PCLO: variants seen among roughly 807,000 people sequenced by gnomAD.
PCLO encodes the protein piccolo presynaptic cytomatrix protein.
Under a neutral mutation model 427.5 loss-of-function variants are expected in PCLO, and 82 were observed. The observed-to-expected ratio is 0.19, with a 90% CI of 0.16 to 0.23. The LOEUF (loss-of-function observed/expected upper bound fraction) is 0.23. PCLO is among the 10% of genes least tolerant of loss of function. The probability of loss-of-function intolerance (pLI) is 1.00; values close to 1 mark genes in which losing one functional copy is unlikely to be tolerated. For missense variants in PCLO, 6,239 were observed against 6,115.9 expected (o/e 1.02, Z -0.67); for synonymous variants, 2,357 against 2,155.4 (o/e 1.09, Z -2.59).
chr7:82,873,283 T>C (rs1457685659), intron 10 of PCLO, among the ~76,000 whole-genome samples: 1 of 150,190 alleles, frequency 6.7e-6, no homozygotes, highest in African/African-American at 2.5e-5. Flanking sequence ...ATGAGAAAGC[T>C]GAGACACTCC....
chr7:83,004,297 C>T (rs1787893646), intron 3 of PCLO, among the ~76,000 whole-genome samples: 1 of 151,642 alleles, frequency 6.6e-6, no homozygotes, highest in Non-Finnish European at 1.5e-5. Flanking sequence ...CTGGTACTGG[C>T]ACAGAAACAG....
chr7:82,802,993 T>C (rs1156652767), intron 21 of PCLO, among the ~76,000 whole-genome samples: 4 of 152,150 alleles, frequency 2.6e-5, no homozygotes. Flanking sequence ...ACCAAGTTCA[T>C]GCAAATTAAG....
intron 3 of PCLO, among the ~76,000 whole-genome samples, chr7:82,966,829 G>T (rs928417643): frequency 6.6e-6 from 1 of 152,042 alleles, no homozygotes; most frequent in Non-Finnish European, 1.5e-5. Context: ...ATTATTTTAA[G>T]GCCTGGCTTC....
rs768899713 is a variant in PCLO, at chr7:82,950,148, A to C, written c.10440T>G (p.Asp3480Glu). The change falls in exon 6 of 25, where the codon GAT becomes GAG. Residue 3480 changes from aspartate to glutamate, a missense_variant. Physicochemically the swap from Asp to Glu is conservative, Grantham distance 45. This residue lies in a region of PCLO where 4,677 missense variants were observed against 4,468.4 expected (regional missense o/e 1.05). Transcript: ENST00000333891. ...TSVQTDDEDQ[D>E]EWDMPTRSRR... ...TTGATCTAGTAGGCATATCCCACTC[A>C]TCCTGATCTTCATCATCAGTTTGGA... The C allele has an allele frequency of 6.2e-7, 1 of 1,609,792 alleles. No homozygotes were observed. The highest frequency in any genetic ancestry group is 2.2e-5 in the East Asian group (1 of 44,720).
At chr7:82,888,459 T>C (rs1793679364) in intron 9 of PCLO, among the ~76,000 whole-genome samples, 1 of 152,182 alleles carries the variant, frequency 6.6e-6, no homozygotes, top group African/African-American at 2.4e-5. Context: ...CCTCAGTACC[T>C]CTTTATTTAA....
intron 6 of PCLO, among the ~76,000 whole-genome samples, chr7:82,930,385 T>C (rs1794813987): frequency 6.6e-6 from 1 of 152,090 alleles, no homozygotes; most frequent in African/African-American, 2.4e-5. Context: ...TTAGACTTTA[T>C]CAAATAAGCA....
chr7:82,969,743 G>A (rs756776389), intron 3 of PCLO, among the ~76,000 whole-genome samples: 1 of 151,824 alleles, frequency 6.6e-6, no homozygotes, highest in African/African-American at 2.4e-5. Flanking sequence ...TTCATCAAGG[G>A]ACCAACATTC....
chr7:82,787,062 T>G (rs1367431234), intron 22 of PCLO, among the ~76,000 whole-genome samples: 1 of 152,164 alleles, frequency 6.6e-6, no homozygotes, highest in African/African-American at 2.4e-5. Flanking sequence ...TGCATGTGTC[T>G]TTATAGGAGA....
At chr7:82,893,124 G>A (rs1370567724) in intron 9 of PCLO, among the ~76,000 whole-genome samples, 24 of 152,098 alleles carry the variant, frequency 1.6e-4, no homozygotes, top group African/African-American at 4.6e-4. Flanking sequence ...ACATGCACAC[G>A]TATGGTTATT....
intron 14 of PCLO, 23 bp downstream of exon 14, chr7:82,841,436 C>T (rs371329901): frequency 5.0e-5 from 76 of 1,529,040 alleles, no homozygotes; most frequent in Middle Eastern, 1.7e-4. Flanking sequence ...TATATAATGG[C>T]GACTTTTTAA....
intron 3 of PCLO, among the ~76,000 whole-genome samples, chr7:82,971,591 A>T (rs982255343): frequency 7.5e-5 from 11 of 147,120 alleles, no homozygotes; most frequent in Non-Finnish European, 1.3e-4. Flanking sequence ...ATAATATATA[A>T]TATATATGAT....
Position 82,826,581 on chromosome 7 carries a change from AGG to A in PCLO, c.14415+6_14415+7del. 1 of 1,579,476 alleles carries A rather than the reference AGG, an allele frequency of 6.3e-7. No individual in the cohort carries two copies. The highest frequency in any genetic ancestry group is 1.1e-5 in the South Asian group (1 of 88,636). ...CAGCAAATAAGGGAAAGGAAGTCAG[AGG>A]CTTACCTCCCCAAGGAAGTCGTTGG... On this transcript the variant is annotated splice_donor_region_variant and intron_variant, in intron 18 of 24. Coordinates refer to ENST00000333891, the MANE Select transcript of PCLO (RefSeq NM_033026.6).
intron 3 of PCLO, among the ~76,000 whole-genome samples, chr7:83,108,356 C>CTA (rs1790920408): frequency 6.6e-6 from 1 of 152,080 alleles, no homozygotes; most frequent in Non-Finnish European, 1.5e-5. Context: ...ACCTACTTAT[C>CTA]TATATACCTA....
At chr7:83,056,316 T>G (rs1789378475) in intron 3 of PCLO, among the ~76,000 whole-genome samples, 1 of 152,184 alleles carries the variant, frequency 6.6e-6, no homozygotes, top group Non-Finnish European at 1.5e-5. Context: ...TACTCTATAT[T>G]TCACTGGGAG....
At chr7:82,781,721 C>T (rs926647272) in intron 22 of PCLO, among the ~76,000 whole-genome samples, 1 of 152,176 alleles carries the variant, frequency 6.6e-6, no homozygotes, top group African/African-American at 2.4e-5. Flanking sequence ...AGGCAGAACT[C>T]TAATCTTCTC....
chr7:83,022,163 G>T (rs545932512), intron 3 of PCLO, among the ~76,000 whole-genome samples: 91 of 151,950 alleles, frequency 6.0e-4, no homozygotes, highest in Non-Finnish European at 1.2e-3. Flanking sequence ...GGAGCTTGTT[G>T]GTCTCCTCCC....
At chr7:82,947,868 G>C (rs938357379) in intron 6 of PCLO, among the ~76,000 whole-genome samples, 4 of 151,842 alleles carry the variant, frequency 2.6e-5, no homozygotes, top group Non-Finnish European at 5.9e-5. Context: ...AATACTTTGT[G>C]AGGAAAAAAA....
In PCLO at chr7:82,951,996, C is replaced by A; in HGVS notation, c.8957G>T (p.Gly2986Val). Residue 2986 changes from glycine to valine, a missense_variant, in exon 5 of 25, where the codon GGG (glycine) becomes GTG (valine). Physicochemically the swap from Gly to Val is moderately radical, Grantham distance 109 (BLOSUM62 -3). Coordinates refer to ENST00000333891, the MANE Select transcript of PCLO (RefSeq NM_033026.6). ...CATGGAAGGCTTCATTCCCCCAATC[C>A]CTCTATAACCATATGGCCCTGATCG... ...YDRSGPYGYR[G>V]IGGMKPSMSD... 6.2e-7 allele frequency: 1 copy of A among 1,613,856 alleles called. No individual in the cohort carries two copies. Among genetic ancestry groups the A allele is most frequent in the Non-Finnish European group, 8.5e-7 (1 of 1,179,836 alleles).
At chr7:83,057,997 G>A (rs1376832525) in intron 3 of PCLO, among the ~76,000 whole-genome samples, 3 of 152,124 alleles carry the variant, frequency 2.0e-5, no homozygotes, top group African/African-American at 7.2e-5. Context: ...TCAGGGAATA[G>A]AATATGGGCA....
Sources: gnomAD v4.1 joint callset for allele counts (sites outside exome capture counted in the v4.1 genomes callset) on GRCh38, gnomAD v4.1.1 for gene constraint, gnomAD v4.1.1 regional missense constraint, MANE v1.5 for transcripts, NCBI Gene and HGNC (gene_info 2026-07-23, HGNC 2026-07-21) for gene names.